Variants in CREB1 observed in about 807,000 individuals in gnomAD.
The protein encoded by CREB1 is cyclic AMP-responsive element-binding protein 1.
CREB1 carries 2 observed loss-of-function variants against 42.0 expected under a neutral mutation model. The ratio of observed to expected loss-of-function variants is 0.05; its 90% CI spans 0.02 to 0.15. CREB1 has a LOEUF of 0.15. Among genes scored for constraint, CREB1 ranks in the 10% least tolerant of loss-of-function variants. The probability of loss-of-function intolerance (pLI) is 1.00; values close to 1 mark genes in which losing one functional copy is unlikely to be tolerated. For synonymous variants in CREB1, 123 were observed against 139.9 expected (o/e 0.88, Z 0.85); for missense variants, 199 against 388.9 (o/e 0.51, Z 4.11).
intron 7 of CREB1, among the ~76,000 whole-genome samples, chr2:207,586,326 ACT>A (rs1032110012): frequency 5.9e-5 from 9 of 152,256 alleles, no homozygotes; most frequent in East Asian, 1.9e-4. Flanking sequence ...GGGAAAGGAC[ACT>A]CTCTTCAATC....
At chr2:207,588,074 T>C (rs144115885) in intron 7 of CREB1, among the ~76,000 whole-genome samples, 98 of 152,354 alleles carry the variant, frequency 6.4e-4, no homozygotes, top group Middle Eastern at 6.8e-3. Context: ...CTACAGTTAT[T>C]TTATGTCAAC....
intron 1 of CREB1, chr2:207,534,581 C>G (rs1265730742): frequency 6.6e-6 from 1 of 152,200 alleles, no homozygotes; most frequent in African/African-American, 2.4e-5. Context: ...ATGAATTACG[C>G]TGTCTTATCT....
intron 3 of CREB1, among the ~76,000 whole-genome samples, chr2:207,563,974 G>GA (rs1182216133): frequency 6.6e-6 from 1 of 151,958 alleles, no homozygotes; most frequent in Non-Finnish European, 1.5e-5. Context: ...GATTTTTAAT[G>GA]AAGCATATTA....
At chr2:207,538,975 G>A (rs1013883647) in intron 1 of CREB1, among the ~76,000 whole-genome samples, 1 of 152,026 alleles carries the variant, frequency 6.6e-6, no homozygotes, top group Non-Finnish European at 1.5e-5. Flanking sequence ...TTGGCAGTAG[G>A]GGACACAGAA....
At chr2:207,590,083 GTTTTTTTTTT>G (rs59126515) in intron 7 of CREB1, among the ~76,000 whole-genome samples, 1 of 76,148 alleles carries the variant, frequency 1.3e-5, no homozygotes, top group Non-Finnish European at 2.5e-5. Context: ...ATTTTGAGAA[GTTTTTTTTTT>G]TTTTTTTTTT....
At position 207,599,251 on chromosome 2, in the gene CREB1, A is replaced by T; in HGVS notation, c.*2193A>T. ...GCATAAAAATTGTGTAACCGCATAG[A>T]TATGTCATTTTTAAAAACTGGTTTA... On this transcript the variant is annotated 3_prime_UTR_variant, in exon 8 of 8. Coordinates refer to ENST00000353267, the MANE Select transcript of CREB1 (RefSeq NM_004379.5). 4.9e-6 allele frequency: 1 copy of T among 202,830 alleles called. No homozygotes were observed. The highest frequency in any genetic ancestry group is 7.7e-5 in the East Asian group (1 of 13,058). 12.6% of individuals were successfully genotyped at this position (202,830 alleles called of 1,614,324 possible).
intron 6 of CREB1, chr2:207,576,800 A>T: frequency 9.6e-7 from 1 of 1,039,572 alleles, no homozygotes; most frequent in Non-Finnish European, 1.2e-6. Flanking sequence ...TTTTTAAGTA[A>T]CATTAGGTTC....
intron 1 of CREB1, among the ~76,000 whole-genome samples, chr2:207,540,673 A>T (rs1313269412): frequency 3.3e-5 from 2 of 61,240 alleles, no homozygotes; most frequent in Non-Finnish European, 4.8e-5. Context: ...AAAAAGTAAA[A>T]AAAAAAAAAA....
intron 1 of CREB1, among the ~76,000 whole-genome samples, chr2:207,554,731 A>G (rs954164775): frequency 1.3e-5 from 2 of 152,196 alleles, no homozygotes; most frequent in African/African-American, 4.8e-5. Flanking sequence ...TCTTACCCAG[A>G]ATTTTACAAT....
At chr2:207,559,186 C>A in intron 2 of CREB1, 1 of 309,228 alleles carries the variant, frequency 3.2e-6, no homozygotes, top group South Asian at 1.3e-4. Flanking sequence ...TCCCACTCTG[C>A]CATGTGTGCT....
At chr2:207,596,469 T>C (rs903137208) in intron 7 of CREB1, among the ~76,000 whole-genome samples, 1 of 152,198 alleles carries the variant, frequency 6.6e-6, no homozygotes, top group African/African-American at 2.4e-5. Flanking sequence ...GTCTCACTCT[T>C]GTCACTCAGG....
chr2:207,588,160 T>C (rs1416887444), intron 7 of CREB1, among the ~76,000 whole-genome samples: 1 of 152,222 alleles, frequency 6.6e-6, no homozygotes, highest in East Asian at 1.9e-4. Context: ...AAAAGTGTTA[T>C]GTTTTATGTT....
At chr2:207,532,882 AG>A (rs1189484074) in intron 1 of CREB1, among the ~76,000 whole-genome samples, 2 of 151,778 alleles carry the variant, frequency 1.3e-5, no homozygotes, top group Non-Finnish European at 1.5e-5. Flanking sequence ...CAGCCCCCCG[AG>A]TAGCTGGGAT....
rs1171879307 is a variant in CREB1 at position 207,599,340 on chromosome 2, C to G, written c.*2282C>G. The G allele has an allele frequency of 4.9e-6, 1 of 203,580 alleles. No individual in the cohort carries two copies. Among genetic ancestry groups the G allele is most frequent in the Non-Finnish European group, 1.0e-5 (1 of 99,440 alleles). The allele number at this position is 203,580 out of a possible 1,614,324, so 12.6% of individuals were successfully genotyped here. A position where few individuals can be genotyped will look rare whatever the true frequency, so the allele number is the denominator to read the frequency against. On this transcript the variant is annotated 3_prime_UTR_variant, in exon 8 of 8. Coordinates refer to ENST00000353267, the MANE Select transcript of CREB1 (RefSeq NM_004379.5). ...GGAATTATTTATTGAGTCAAAATGT[C>G]GAATCGAACATTTTGAATGAAGTAA...
chr2:207,556,315 C>T (rs376829201), intron 2 of CREB1, among the ~76,000 whole-genome samples: 1 of 152,050 alleles, frequency 6.6e-6, no homozygotes, highest in African/African-American at 2.4e-5. Context: ...TTTTTGTTTG[C>T]ATGCATTCTC....
chr2:207,577,265 A>G (rs2082631816), intron 6 of CREB1: 4 of 1,076,362 alleles, frequency 3.7e-6, no homozygotes, highest in Non-Finnish European at 1.2e-6. Flanking sequence ...CTGCATTCAA[A>G]TGAAAAATAA....
rs1216207621 is a variant in CREB1 at position 207,596,998 on chromosome 2, C to T, written c.924C>T (p.Asn308=). 11 of 1,612,456 alleles carry T rather than the reference C, an allele frequency of 6.8e-6. No homozygotes were observed. The South Asian group carries it at 1.2e-4, about 18-fold the overall frequency. The stretch of plus-strand genomic sequence containing the variant: ...GAGTGGCAGTGCTTGAAAATCAAAA[C>T]AAGACATTGATTGAGGAGCTAAAAG... ...ENRVAVLENQ[N]KTLIEELKAL... The change falls in exon 8 of 8, where the codon AAC becomes AAT. Residue 308 remains asparagine (N), a synonymous_variant. Transcript: ENST00000353267.
At chr2:207,534,428 G>T (rs552212237) in intron 1 of CREB1, among the ~76,000 whole-genome samples, 1 of 151,930 alleles carries the variant, frequency 6.6e-6, no homozygotes, top group Admixed American at 6.6e-5. Context: ...GTAGAGACAG[G>T]GTTTCACCAT....
intron 6 of CREB1, 82 bp from the exon 7 acceptor site, chr2:207,577,423 A>G (rs904062401): frequency 3.3e-6 from 5 of 1,515,636 alleles, no homozygotes; most frequent in East Asian, 2.3e-5. Context: ...TCCAAAATAC[A>G]TGCTTAGATT....
Sources: allele counts gnomAD v4.1 joint callset (sites outside exome capture counted in the v4.1 genomes callset), GRCh38; gene constraint gnomAD v4.1.1; transcripts MANE v1.5; gene names NCBI Gene and HGNC (gene_info 2026-07-23, HGNC 2026-07-21).